PIK3C2G: variants seen among roughly 807,000 people sequenced by gnomAD.
PIK3C2G encodes the protein phosphatidylinositol 3-kinase C2 domain-containing subunit gamma.
A neutral mutation model predicts 181.1 loss-of-function variants in PIK3C2G; 168 were observed. The observed-to-expected ratio is 0.93, with a 90% confidence interval of 0.82 to 1.05. PIK3C2G has a LOEUF of 1.05. Among genes scored for constraint, PIK3C2G ranks in the 50% least tolerant of loss-of-function variants. The pLI, the probability that PIK3C2G is intolerant of heterozygous loss-of-function variation, is 0.00. For missense variants in PIK3C2G, 1,869 were observed against 1,732.8 expected, an observed-to-expected ratio of 1.08 and a Z score of -1.40; for synonymous variants, 573 against 592.2, an observed-to-expected ratio of 0.97 and a Z score of 0.47.
chr12:18,652,239 G>A (rs893762092), downstream of PIK3C2G, among the ~76,000 whole-genome samples: 2 of 151,956 alleles, frequency 1.3e-5, no homozygotes, highest in Admixed American at 1.3e-4. Context: ...CCCCTAATTC[G>A]CCAGTCCCAT....
At chr12:18,552,986 A>G (rs1441025933) in intron 26 of PIK3C2G, among the ~76,000 whole-genome samples, 1 of 152,088 alleles carries the variant, frequency 6.6e-6, no homozygotes, top group Non-Finnish European at 1.5e-5. Context: ...ACCCACCAAG[A>G]GTACCAGAAA....
chr12:18,380,531 T>G (rs370149276), intron 13 of PIK3C2G, among the ~76,000 whole-genome samples: 2 of 152,180 alleles, frequency 1.3e-5, no homozygotes, highest in South Asian at 4.1e-4. Context: ...ATAAAAATTT[T>G]CTAATCTTTA....
intron 18 of PIK3C2G, among the ~76,000 whole-genome samples, chr12:18,455,885 C>T (rs532573184): frequency 7.2e-5 from 11 of 152,270 alleles, no homozygotes; most frequent in East Asian, 3.9e-4. Flanking sequence ...ATAGCATTCA[C>T]GCATTCATTA....
intron 32 of PIK3C2G, among the ~76,000 whole-genome samples, chr12:18,641,390 C>T (rs868166613): frequency 3.3e-5 from 5 of 152,118 alleles, no homozygotes; most frequent in Non-Finnish European, 7.3e-5. Context: ...TCCAAAGAGC[C>T]CTCAGGCTCT....
At chr12:18,564,441 T>C (rs1460379039) in intron 28 of PIK3C2G, among the ~76,000 whole-genome samples, 1 of 151,108 alleles carries the variant, frequency 6.6e-6, no homozygotes, top group Non-Finnish European at 1.5e-5. Context: ...ATGTGGATTT[T>C]TACTCGGCTT....
intron 30 of PIK3C2G, among the ~76,000 whole-genome samples, chr12:18,606,499 A>G (rs1282620064): frequency 1.3e-5 from 2 of 152,106 alleles, no homozygotes; most frequent in Admixed American, 6.6e-5. Context: ...TCAAGATATT[A>G]TAAGTGATTT....
At chr12:18,665,204 G>C in the PIK3C2G span, among the ~76,000 whole-genome samples, 4 of 151,650 alleles carry the variant, frequency 2.6e-5, no homozygotes, top group Non-Finnish European at 5.9e-5. Context: ...AACAAAGAAT[G>C]GTGGTTGCCA....
At chr12:18,707,390 CATGAG>C in the PIK3C2G span, among the ~76,000 whole-genome samples, 3 of 152,070 alleles carry the variant, frequency 2.0e-5, no homozygotes, top group African/African-American at 7.2e-5. Flanking sequence ...TGGATTCTTC[CATGAG>C]GCCCTGATGT....
chr12:18,494,207 C>T (rs1592402299), intron 20 of PIK3C2G, among the ~76,000 whole-genome samples: 1 of 152,162 alleles, frequency 6.6e-6, no homozygotes, highest in Non-Finnish European at 1.5e-5. Context: ...ATAACTATCA[C>T]TCTAATCTAA....
intron 1 of PIK3C2G, among the ~76,000 whole-genome samples, chr12:18,268,622 A>C (rs17408904): frequency 6.6e-6 from 1 of 152,164 alleles, no homozygotes; most frequent in East Asian, 1.9e-4. Context: ...TGTGCCTCCT[A>C]TGCAGTGAAT....
At chr12:18,598,858 A>T (rs934343838) in intron 30 of PIK3C2G, among the ~76,000 whole-genome samples, 50 of 152,072 alleles carry the variant, frequency 3.3e-4, no homozygotes, top group Non-Finnish European at 5.3e-4. Context: ...GACGCTTCTC[A>T]AAAGAAGACA....
rs7975591 is a variant in PIK3C2G at position 18,255,576 on chromosome 12, G to A, written c.-79+7494G>A. 2.0e-5 allele frequency among the ~76,000 whole-genome samples: 3 copies of A among 152,052 alleles called. No homozygotes were observed. In the East Asian group the frequency reaches 5.8e-4, roughly 30 times the overall value. ...ACTGGTTGATGGTGTGTGTGTTGAG[G>A]GCGAGGGAGCAGACAGGAGAGCGCA... On this transcript the variant is annotated intron_variant, in intron 1 of 11. Transcript: ENST00000535651.
At chr12:18,674,847 C>T in the PIK3C2G span, among the ~76,000 whole-genome samples, 670 of 152,258 alleles carry the variant, frequency 4.4e-3, 2 homozygotes, top group African/African-American at 0.015. Flanking sequence ...CTCTTGTCCG[C>T]TTAGAACACT....
chr12:18,583,948 C>G (rs2136437437), intron 29 of PIK3C2G, among the ~76,000 whole-genome samples: 1 of 152,160 alleles, frequency 6.6e-6, no homozygotes, highest in South Asian at 2.1e-4. Context: ...ACAGCAAAAC[C>G]CAACCCATAA....
At chr12:18,519,647 C>T (rs576356066) in intron 24 of PIK3C2G, among the ~76,000 whole-genome samples, 14 of 151,898 alleles carry the variant, frequency 9.2e-5, no homozygotes, top group Non-Finnish European at 2.1e-4. Context: ...TTCAGCACAC[C>T]GATTGGTCTT....
chr12:18,505,205 CA>C, intron 23 of PIK3C2G, 86 bp from the exon 24 acceptor site: 1 of 1,147,442 alleles, frequency 8.7e-7, no homozygotes, highest in South Asian at 1.7e-5. Context: ...TTTTGCTTAT[CA>C]TTTACTTTTT....
At chr12:18,329,053 A>G (rs1256101183) in intron 8 of PIK3C2G, among the ~76,000 whole-genome samples, 1 of 151,696 alleles carries the variant, frequency 6.6e-6, no homozygotes, top group Admixed American at 6.6e-5. Context: ...ACTGACCTTA[A>G]AAGAAATAAA....
the PIK3C2G span, chr12:18,701,371 T>C: frequency 6.8e-7 from 1 of 1,479,226 alleles, no homozygotes; most frequent in Middle Eastern, 1.8e-4. Flanking sequence ...TCAAAGTAAA[T>C]TGTAAATGAT....
rs150727575 is a variant in PIK3C2G, at chr12:18,539,962, A to G, written c.3480+1650A>G. On this transcript the variant is annotated intron_variant, in intron 25 of 32. Coordinates refer to ENST00000538779, the MANE Select transcript of PIK3C2G (RefSeq NM_001288772.2). ...AATTCTATTAGGCCGTTTTGCAAGTATGAGATGACTACGGTTTATAATGTG... is the reference window on the plus strand; with the variant it reads ...AATTCTATTAGGCCGTTTTGCAAGTGTGAGATGACTACGGTTTATAATGTG... Among the ~76,000 whole-genome samples the G allele has an allele frequency of 2.1e-3, 324 of 151,948 alleles. 6 individuals are homozygous for G. In the South Asian group the frequency reaches 0.027, roughly 13 times the overall value.
Sources: allele counts gnomAD v4.1 joint callset (sites outside exome capture counted in the v4.1 genomes callset), GRCh38; gene constraint gnomAD v4.1.1; transcripts MANE v1.5; gene names NCBI Gene and HGNC (gene_info 2026-07-23, HGNC 2026-07-21).